Variants in WDR27 observed in about 807,000 individuals in gnomAD.
The protein encoded by WDR27 is WD repeat-containing protein 27.
A neutral mutation model predicts 114.4 loss-of-function variants in WDR27; 100 were observed. That is an observed-to-expected ratio of 0.87 (90% confidence interval 0.74 to 1.03). The LOEUF (loss-of-function observed/expected upper bound fraction) is 1.03, where lower values mean the gene tolerates loss of function less well. Ranked by LOEUF, WDR27 falls within the 50% of genes least tolerant of loss-of-function variation. The probability of loss-of-function intolerance (pLI) is 0.00; values close to 1 mark genes in which losing one functional copy is unlikely to be tolerated. For synonymous variants in WDR27, 449 were observed against 423.1 expected, an observed-to-expected ratio of 1.06 and a Z score of -0.75; for missense variants, 1,129 against 1,092.9, an observed-to-expected ratio of 1.03 and a Z score of -0.47.
intron 17 of WDR27, among the ~76,000 whole-genome samples, chr6:169,639,475 G>GA (rs201405578): frequency 0.11 from 16,430 of 147,504 alleles, 1,052 homozygotes; most frequent in African/African-American, 0.18. Context: ...AGAAAAAAGT[G>GA]AAAAAAAAAA....
intron 25 of WDR27, among the ~76,000 whole-genome samples, chr6:169,507,825 GGTGAA>G (rs1340446417): frequency 6.6e-6 from 1 of 152,116 alleles, no homozygotes; most frequent in East Asian, 1.9e-4. Context: ...CTTGACACAT[GGTGAA>G]GTGGAGTGGC....
At chr6:169,493,975 G>C (rs1416839830) in intron 25 of WDR27, among the ~76,000 whole-genome samples, 1 of 152,204 alleles carries the variant, frequency 6.6e-6, no homozygotes, top group East Asian at 1.9e-4. Context: ...ATGCAAGTGT[G>C]AGTTTCTCTT....
At chr6:169,700,613 CT>C (rs1787677745) in intron 1 of WDR27, among the ~76,000 whole-genome samples, 1 of 152,220 alleles carries the variant, frequency 6.6e-6, no homozygotes. Flanking sequence ...GAATTTTAGG[CT>C]GCAGCTTGCA....
At chr6:169,514,166 T>C (rs1271618225) in intron 25 of WDR27, among the ~76,000 whole-genome samples, 1 of 152,032 alleles carries the variant, frequency 6.6e-6, no homozygotes, top group Non-Finnish European at 1.5e-5. Context: ...ATATTATTCT[T>C]ATATACATAC....
At chr6:169,468,403 A>C (rs1312092589) in intron 25 of WDR27, among the ~76,000 whole-genome samples, 1 of 152,218 alleles carries the variant, frequency 6.6e-6, no homozygotes, top group East Asian at 1.9e-4. Context: ...CTGTCATGGC[A>C]CAAGGGAAAG....
chr6:169,672,087 C>T, intron 3 of WDR27, 168 bp downstream of exon 3: 1 of 602,120 alleles, frequency 1.7e-6, no homozygotes, highest in Non-Finnish European at 2.7e-6. Context: ...ATATAAAGCG[C>T]CTGCTTGCAT....
At position 169,651,956 on chromosome 6, in the gene WDR27, C is replaced by T. The variant is rs746097127; in HGVS notation, c.1455G>A (p.Arg485=). Reference sequence around the variant, plus strand: ...GTGGTGCTGACGCATAACCAGATGACCTAACTTTACTATGGAAAACCAGGC... The same window carrying T: ...GTGGTGCTGACGCATAACCAGATGATCTAACTTTACTATGGAAAACCAGGC... The part of the protein sequence containing the change: ...DQRLVFHSKV[R]SSGYASAPHV... Residue 485 remains arginine, a synonymous_variant, in exon 14 of 26, where the codon AGG becomes AGA. Coordinates refer to ENST00000448612, the MANE Select transcript of WDR27 (RefSeq NM_182552.5). 1.2e-6 allele frequency: 2 copies of T among 1,613,838 alleles called. No homozygotes were observed. The highest frequency in any genetic ancestry group is 1.3e-5 in the African/African-American group (1 of 75,034).
intron 13 of WDR27, among the ~76,000 whole-genome samples, chr6:169,655,869 G>A (rs1052937623): frequency 1.3e-5 from 2 of 152,142 alleles, no homozygotes; most frequent in Non-Finnish European, 1.5e-5. Context: ...ACAGGCGCCC[G>A]CCAACCACGC....
intron 2 of WDR27, among the ~76,000 whole-genome samples, chr6:169,672,795 G>C (rs964277250): frequency 6.6e-6 from 1 of 152,210 alleles, no homozygotes; most frequent in Non-Finnish European, 1.5e-5. Context: ...AAACGGCTGG[G>C]ACAAGCAAAG....
Position 169,634,427 on chromosome 6 carries a change from C to A in WDR27, c.2101+1G>T, listed in dbSNP as rs372432878. On this transcript the variant is annotated splice_donor_variant, in intron 20 of 25. Transcript: ENST00000448612. LOFTEE classifies it high-confidence loss of function. ...CTACCAGGATCCGGGAGAAAGGATACGGGAATAAAAGTCGTTGACTGCCGA... is the reference window on the plus strand; with the variant it reads ...CTACCAGGATCCGGGAGAAAGGATAAGGGAATAAAAGTCGTTGACTGCCGA... 2.5e-6 allele frequency: 4 copies of A among 1,607,852 alleles called. No homozygotes were observed. In the East Asian group the frequency reaches 6.7e-5, roughly 27 times the overall value.
intron 25 of WDR27, among the ~76,000 whole-genome samples, chr6:169,548,814 C>T (rs1340914970): frequency 6.6e-6 from 1 of 152,124 alleles, no homozygotes; most frequent in Non-Finnish European, 1.5e-5. Flanking sequence ...TAGTCTTTAA[C>T]AAATGGTGCT....
At position 169,662,404 on chromosome 6, in the gene WDR27, T is replaced by C; in HGVS notation, c.925A>G (p.Thr309Ala). The C allele has an allele frequency of 3.1e-6, 5 of 1,614,010 alleles. No individual in the cohort carries two copies. Among genetic ancestry groups the C allele is most frequent in the South Asian group, 2.2e-5 (2 of 91,080 alleles). Residue 309 changes from threonine (T) to alanine (A), a missense_variant, in exon 9 of 26, where the codon ACA becomes GCA. Physicochemically the swap from Thr to Ala is moderately conservative, Grantham distance 58 (BLOSUM62 0). Coordinates refer to ENST00000448612, the MANE Select transcript of WDR27 (RefSeq NM_182552.5). ...TGCTCTCCTTTTCCCAGAGCACTTG[T>C]AGAGGGAAGCTGGCTTTCTTCTAGG... is the stretch of plus-strand genomic sequence containing the variant. ...SQPEESQLPSTSALGKGEQVE... is the reference protein window; with the variant it reads ...SQPEESQLPSASALGKGEQVE...
At chr6:169,531,197 G>C (rs999980508) in intron 25 of WDR27, among the ~76,000 whole-genome samples, 2 of 152,212 alleles carry the variant, frequency 1.3e-5, no homozygotes, top group African/African-American at 4.8e-5. Flanking sequence ...TTCAATAAGT[G>C]AATTGATGCT....
chr6:169,474,238 C>T (rs1786828672), intron 25 of WDR27, among the ~76,000 whole-genome samples: 1 of 152,152 alleles, frequency 6.6e-6, no homozygotes, highest in African/African-American at 2.4e-5. Flanking sequence ...CCTACAGAAG[C>T]AAACCTAGAG....
intron 25 of WDR27, among the ~76,000 whole-genome samples, chr6:169,540,374 T>G (rs1397519317): frequency 1.3e-5 from 2 of 152,194 alleles, no homozygotes; most frequent in Admixed American, 1.3e-4. Flanking sequence ...TGAAAAATAC[T>G]TCTGTCATAT....
In WDR27 at chr6:169,677,406, G is replaced by C. The variant is rs117903635; in HGVS notation, c.190-5010C>G. On this transcript the variant is annotated intron_variant, in intron 2 of 25. Transcript: ENST00000448612. The stretch of plus-strand genomic sequence containing the variant: ...ACCTGAAGGAAGAAATTTCTAATCA[G>C]CAAAGCATGTAAGATGTCTCCTGGA... Among the ~76,000 whole-genome samples the C allele has an allele frequency of 1.2e-3, 177 of 152,328 alleles. 9 individuals are homozygous for C. In the East Asian group the frequency reaches 0.03, roughly 26 times the overall value.
At chr6:169,453,319 A>G (rs1407870811), downstream of WDR27, among the ~76,000 whole-genome samples, 1 of 152,072 alleles carries the variant, frequency 6.6e-6, no homozygotes, top group Non-Finnish European at 1.5e-5. Flanking sequence ...GACTCAGAGG[A>G]GATGTATTTA....
chr6:169,584,985 T>C (rs1046835380), intron 23 of WDR27, among the ~76,000 whole-genome samples: 10 of 152,144 alleles, frequency 6.6e-5, no homozygotes, highest in Non-Finnish European at 1.0e-4. Context: ...AGACAGAGTA[T>C]AGAGCTCAGA....
chr6:169,630,359 T>C (rs1486455645), intron 21 of WDR27, among the ~76,000 whole-genome samples: 1 of 152,180 alleles, frequency 6.6e-6, no homozygotes, highest in Non-Finnish European at 1.5e-5. Flanking sequence ...CGAGTCACAG[T>C]TCAAATCGGC....
Sources: allele counts gnomAD v4.1 joint callset (sites outside exome capture counted in the v4.1 genomes callset), GRCh38; gene constraint gnomAD v4.1.1; transcripts MANE v1.5; gene names NCBI Gene and HGNC (gene_info 2026-07-23, HGNC 2026-07-21).